Variants in RAF1 observed in about 807,000 individuals in gnomAD.
RAF1 encodes RAF proto-oncogene serine/threonine-protein kinase.
RAF1 carries 27 observed loss-of-function variants against 81.1 expected under a neutral mutation model. The observed-to-expected ratio is 0.33, with a 90% CI of 0.25 to 0.46. The LOEUF is 0.46. RAF1 is among the 20% of genes least tolerant of loss of function. The pLI is 1.00. For synonymous variants in RAF1, 298 were observed against 294.0 expected (o/e 1.01, Z -0.14); for missense variants, 598 against 826.0 (o/e 0.72, Z 3.38).
chr3:12,585,595 A>G, intron 15 of RAF1, 86 bp downstream of exon 14: 1 of 1,402,050 alleles, frequency 7.1e-7, no homozygotes, highest in Non-Finnish European at 1.0e-6. Context: ...GGAAATGTAC[A>G]GAAACGCTTT....
chr3:12,611,176 GA>G (rs2059194955), intron 3 of RAF1, among the ~76,000 whole-genome samples: 3 of 151,942 alleles, frequency 2.0e-5, no homozygotes, highest in Admixed American at 2.0e-4. Context: ...TCCATCCATG[GA>G]AACATTATCA....
intron 1 of RAF1, among the ~76,000 whole-genome samples, chr3:12,643,885 T>A (rs570866777): frequency 1.3e-5 from 2 of 152,182 alleles, no homozygotes; most frequent in Admixed American, 1.3e-4. Context: ...AGGGTTGTGA[T>A]AAAGGCATTT....
chr3:12,600,608 G>C (rs184342160), intron 8 of RAF1, among the ~76,000 whole-genome samples, 193 bp from the exon 8 acceptor site: 19 of 152,302 alleles, frequency 1.2e-4, no homozygotes, highest in African/African-American at 4.6e-4. Context: ...GTATCTCCAA[G>C]GCTGATTTTT....
At position 12,584,400 on chromosome 3, in the gene RAF1, T is replaced by TAGC. The variant is rs2058248231; in HGVS notation, c.*111_*113dup. ...CCCTGTGAGCAGTCTAGAAGGTCCTTAGCAGCAGCTTCTCTGAAAACATGT... is the reference window on the plus strand; with the variant it reads ...CCCTGTGAGCAGTCTAGAAGGTCCTTAGCAGCAGCAGCTTCTCTGAAAACATGT... On this transcript the variant is annotated 3_prime_UTR_variant, in exon 18 of 18. Coordinates refer to ENST00000442415, the MANE Select transcript of RAF1 (RefSeq NM_001354689.3). The TAGC allele has an allele frequency of 4.4e-6, 6 of 1,376,530 alleles. No individual in the cohort carries two copies. Among genetic ancestry groups the TAGC allele is most frequent in the Non-Finnish European group, 6.1e-6 (6 of 978,660 alleles). The allele number at this position is 1,376,530 out of a possible 1,614,324, so 85.3% of individuals were successfully genotyped here. A position where few individuals can be genotyped will look rare whatever the true frequency, so the allele number is the denominator to read the frequency against.
intron 1 of RAF1, among the ~76,000 whole-genome samples, chr3:12,637,155 G>A (rs1226327536): frequency 2.0e-5 from 3 of 152,032 alleles, no homozygotes; most frequent in Admixed American, 1.3e-4. Flanking sequence ...AGCTGAACTC[G>A]CTCAATTTTT....
At chr3:12,611,587 C>T (rs2125428511) in intron 3 of RAF1, among the ~76,000 whole-genome samples, 1 of 152,208 alleles carries the variant, frequency 6.6e-6, no homozygotes, top group South Asian at 2.1e-4. Flanking sequence ...GTAGTCCCAG[C>T]TACTCCGGAG....
At chr3:12,661,084 A>T (rs1347365119) in intron 1 of RAF1, among the ~76,000 whole-genome samples, 1 of 152,228 alleles carries the variant, frequency 6.6e-6, no homozygotes, top group African/African-American at 2.4e-5. Flanking sequence ...GATAAGGGTA[A>T]AAACAAGCCA....
At chr3:12,642,757 A>C (rs1462203298) in intron 1 of RAF1, among the ~76,000 whole-genome samples, 1 of 149,796 alleles carries the variant, frequency 6.7e-6, no homozygotes, top group Non-Finnish European at 1.5e-5. Flanking sequence ...CTGTAGTCCC[A>C]GCTATTGGGG....
chr3:12,604,012 G>C (rs2125395934), intron 7 of RAF1, 124 bp downstream of exon 7: 1 of 1,101,838 alleles, frequency 9.1e-7, no homozygotes, highest in Non-Finnish European at 1.4e-6. Flanking sequence ...AACTGTAAAA[G>C]TCCAGAGACC....
intron 1 of RAF1, among the ~76,000 whole-genome samples, chr3:12,652,323 C>A (rs1383844984): frequency 1.3e-5 from 2 of 151,722 alleles, no homozygotes; most frequent in African/African-American, 4.8e-5. Context: ...GAGTTTGAGA[C>A]CAGCCTGGCC....
At chr3:12,610,895 T>C (rs186169149) in intron 3 of RAF1, among the ~76,000 whole-genome samples, 2 of 152,172 alleles carry the variant, frequency 1.3e-5, no homozygotes, top group African/African-American at 4.8e-5. Flanking sequence ...GCCTCTATCT[T>C]GCCACCACCA....
At chr3:12,618,785 A>C in intron 1 of RAF1, 38 bp from the exon 2 acceptor site, 1 of 1,522,110 alleles carries the variant, frequency 6.6e-7, no homozygotes, top group South Asian at 1.1e-5. Context: ...TCTAGAACAA[A>C]AGTATTCAAC....
At chr3:12,588,307 T>C (rs1469369177) in intron 13 of RAF1, 1 of 152,162 alleles carries the variant, frequency 6.6e-6, no homozygotes, top group East Asian at 1.9e-4. Flanking sequence ...CACAATACCA[T>C]ATCTTATGTA....
intron 1 of RAF1, among the ~76,000 whole-genome samples, chr3:12,627,259 T>C (rs1005713792): frequency 6.6e-6 from 1 of 152,170 alleles, no homozygotes; most frequent in African/African-American, 2.4e-5. Context: ...ATTTACTTAA[T>C]ACAAATTATT....
intron 1 of RAF1, among the ~76,000 whole-genome samples, chr3:12,622,287 A>G (rs1438979866): frequency 6.6e-6 from 1 of 152,206 alleles, no homozygotes; most frequent in Non-Finnish European, 1.5e-5. Context: ...GCATCTCACT[A>G]GCCTGAAATG....
At chr3:12,626,819 T>A (rs1223151654) in intron 1 of RAF1, among the ~76,000 whole-genome samples, 3 of 150,238 alleles carry the variant, frequency 2.0e-5, no homozygotes, top group Non-Finnish European at 4.4e-5. Context: ...AGGTCAGGAG[T>A]TCGAGATCAG....
chr3:12,614,821 G>C (rs1372023544), intron 2 of RAF1, among the ~76,000 whole-genome samples: 2 of 152,196 alleles, frequency 1.3e-5, no homozygotes, highest in African/African-American at 4.8e-5. Flanking sequence ...AACAAAACAA[G>C]TAAGCTATAC....
At chr3:12,653,205 C>T (rs1200982356) in intron 1 of RAF1, among the ~76,000 whole-genome samples, 1 of 151,430 alleles carries the variant, frequency 6.6e-6, no homozygotes, top group East Asian at 2.0e-4. Flanking sequence ...TCGCTTGAAC[C>T]TGAGAGGCAG....
At chr3:12,639,932 C>A (rs1487546602) in intron 1 of RAF1, among the ~76,000 whole-genome samples, 1 of 152,084 alleles carries the variant, frequency 6.6e-6, no homozygotes, top group East Asian at 1.9e-4. Context: ...GCAAAAAGAA[C>A]AAAGCTGGAG....
Sources: gnomAD v4.1 joint callset for allele counts (sites outside exome capture counted in the v4.1 genomes callset) on GRCh38, gnomAD v4.1.1 for gene constraint, MANE v1.5 for transcripts, NCBI Gene and HGNC (gene_info 2026-07-23, HGNC 2026-07-21) for gene names.